KTN1: variants seen among roughly 807,000 people sequenced by gnomAD.
The protein encoded by KTN1 is kinectin.
KTN1 carries 130 observed loss-of-function variants against 222.5 expected under a neutral mutation model. The ratio of observed to expected loss-of-function variants is 0.58; its 90% CI spans 0.51 to 0.68. The LOEUF (loss-of-function observed/expected upper bound fraction) is 0.68. Ranked by LOEUF, KTN1 falls within the 30% of genes least tolerant of loss-of-function variation. The probability of loss-of-function intolerance (pLI) is 0.00; values close to 1 mark genes in which losing one functional copy is unlikely to be tolerated. For synonymous variants in KTN1, 512 were observed against 496.3 expected, an observed-to-expected ratio of 1.03 and a Z score of -0.42; for missense variants, 1,508 against 1,500.4, an observed-to-expected ratio of 1.01 and a Z score of -0.08.
At chr14:55,661,273 G>A (rs1339931522) in intron 31 of KTN1, 1 of 312,958 alleles carries the variant, frequency 3.2e-6, no homozygotes, top group African/African-American at 2.1e-5. Context: ...GTTTCTTAGG[G>A]GATGAGATTT....
At chr14:55,639,620 G>A (rs770253606) in intron 13 of KTN1, among the ~76,000 whole-genome samples, 9 of 151,712 alleles carry the variant, frequency 5.9e-5, no homozygotes, top group South Asian at 2.1e-4. Context: ...TTTTTGTGCC[G>A]TATAATTTTG....
chr14:55,639,362 C>CTTTT, intron 13 of KTN1, 140 bp downstream of exon 13: 2 of 351,144 alleles, frequency 5.7e-6, no homozygotes, highest in Admixed American at 9.4e-5. Context: ...GCAACTTTTG[C>CTTTT]TTTTTTTTTT....
Position 55,684,352 on chromosome 14 carries a change from TAAAC to T in KTN1, c.*251_*254del. On this transcript the variant is annotated 3_prime_UTR_variant, in exon 44 of 44. Transcript: ENST00000395314. ...AATTAGACCTTTACATTCCTGAAGA[TAAAC>T]ATGTAATCTTTTATCTTATTTTGCT... 2.8e-6 allele frequency: 1 copy of T among 363,170 alleles called. No individual in the cohort carries two copies. The highest frequency in any genetic ancestry group is 4.9e-6 in the Non-Finnish European group (1 of 203,090). The allele number at this position is 363,170 out of a possible 1,614,324, so 22.5% of individuals were successfully genotyped here.
At position 55,604,316 on chromosome 14, in the gene KTN1, A is replaced by G. The variant is rs1295603551; in HGVS notation, c.-30-7703A>G. Among the ~76,000 whole-genome samples the G allele has an allele frequency of 2.6e-5, 4 of 152,128 alleles. No individual in the cohort carries two copies. The East Asian group carries it at 5.8e-4, about 22-fold the overall frequency. ...TCACTGTATTTTGCTCTTCACTTAG[A>G]TATGGATAGCACCATGGCTCTATCT... On this transcript the variant is annotated intron_variant, in intron 1 of 43. Transcript: ENST00000395314.
chr14:55,655,194 G>T, intron 28 of KTN1, among the ~76,000 whole-genome samples: 1 of 152,072 alleles, frequency 6.6e-6, no homozygotes, highest in Non-Finnish European at 1.5e-5. Flanking sequence ...GCCCAGGCTG[G>T]TCTTGATCTC....
intron 1 of KTN1, 30 bp from the exon 2 acceptor site, chr14:55,611,989 T>C (rs1039988697): frequency 1.0e-6 from 1 of 1,003,712 alleles, no homozygotes. Context: ...TTCTTTTTTT[T>C]TTTTTGTCCC....
At position 55,580,253 on chromosome 14, in the gene KTN1, T is replaced by TGCGGCGGCG. The variant is rs534439479; in HGVS notation, c.-113_-105dup. The TGCGGCGGCG allele has an allele frequency of 6.9e-4, 106 of 153,924 alleles. 1 individual carries two copies. Among genetic ancestry groups the TGCGGCGGCG allele is most frequent in the East Asian group, 3.4e-3 (18 of 5,242 alleles). 9.5% of individuals were successfully genotyped at this position (153,924 alleles called of 1,614,324 possible). On this transcript the variant is annotated 5_prime_UTR_variant, in exon 1 of 44. Transcript: ENST00000395314. ...AGCGGCGCGACGGCACCTGAGCGAC[T>TGCGGCGGCG]GCGGCGGCGGCGGCGGCGGCGGCGG...
chr14:55,662,181 C>T (rs2044223596), intron 32 of KTN1, among the ~76,000 whole-genome samples: 1 of 151,658 alleles, frequency 6.6e-6, no homozygotes, highest in Admixed American at 6.6e-5. Flanking sequence ...ATTCTCCTGC[C>T]TCACCCTCCT....
In KTN1 at chr14:55,672,984, G is replaced by A. The variant is rs146919612; in HGVS notation, c.3659G>A (p.Arg1220Gln). 11 of 1,612,666 alleles carry A rather than the reference G, an allele frequency of 6.8e-6. No individual in the cohort carries two copies. The African/African-American group carries it at 1.2e-4, about 18-fold the overall frequency. ...GAACTAGAAAAGGCAGAGATGGAAC[G>A]ATCTACCTATGTTACAGAAGTCAGA... The part of the protein sequence containing the change: ...EMELEKAEME[R>Q]STYVTEVREL... Residue 1220 changes from arginine to glutamine, a missense_variant, in exon 39 of 44, where the codon CGA becomes CAA. Physicochemically the swap from Arg to Gln is conservative, Grantham distance 43. Coordinates refer to ENST00000395314, the MANE Select transcript of KTN1 (RefSeq NM_001079521.2).
Position 55,675,848 on chromosome 14 carries a change from TAAATG to T in KTN1, c.3789_3793del (p.Glu1264ThrfsTer5), listed in dbSNP as rs1463074577. The T allele has an allele frequency of 1.9e-6, 3 of 1,610,736 alleles. No homozygotes were observed. Among genetic ancestry groups the T allele is most frequent in the Non-Finnish European group, 2.5e-6 (3 of 1,177,184 alleles). On this transcript the variant is annotated frameshift_variant, in exon 41 of 44. Coordinates refer to ENST00000395314, the MANE Select transcript of KTN1 (RefSeq NM_001079521.2). LOFTEE classifies it high-confidence loss of function. ...TTATTTTTACAGTTGAAGGCACAGTTAAATGAAACACTCACAAAACTTAGAACTGA... is the reference window on the plus strand; with the variant it reads ...TTATTTTTACAGTTGAAGGCACAGTTAAACACTCACAAAACTTAGAACTGA...
intron 1 of KTN1, among the ~76,000 whole-genome samples, chr14:55,590,376 ATT>A (rs1235663330): frequency 6.6e-6 from 1 of 152,176 alleles, no homozygotes; most frequent in Non-Finnish European, 1.5e-5. Flanking sequence ...TCAGCTTTAA[ATT>A]TTTTCTTTTA....
chr14:55,647,108 G>T (rs2042440451), intron 19 of KTN1, 101 bp downstream of exon 19: 2 of 777,930 alleles, frequency 2.6e-6, no homozygotes, highest in East Asian at 5.2e-5. Context: ...TGTAATGGAA[G>T]AAATGTAGTA....
intron 24 of KTN1, chr14:55,651,662 T>C: frequency 2.0e-6 from 1 of 504,800 alleles, no homozygotes; most frequent in South Asian, 2.7e-5. Flanking sequence ...TAGTTAGACT[T>C]ATTATTCATA....
chr14:55,589,274 C>CA (rs1159251604), intron 1 of KTN1, among the ~76,000 whole-genome samples: 1 of 152,112 alleles, frequency 6.6e-6, no homozygotes, highest in Non-Finnish European at 1.5e-5. Flanking sequence ...TGGCAGCATT[C>CA]AAAATAACAT....
At chr14:55,648,914 GT>G in intron 21 of KTN1, 44 bp downstream of exon 21, 1 of 1,259,304 alleles carries the variant, frequency 7.9e-7, no homozygotes, top group Non-Finnish European at 1.1e-6. Context: ...TGTGTTTTTT[GT>G]TTGTTTGTTT....
At chr14:55,590,533 C>G (rs1382102177) in intron 1 of KTN1, among the ~76,000 whole-genome samples, 1 of 152,124 alleles carries the variant, frequency 6.6e-6, no homozygotes, top group Non-Finnish European at 1.5e-5. Context: ...CACTACCTTT[C>G]TTACCTTTGC....
chr14:55,640,802 A>G (rs1042419835), intron 15 of KTN1, 131 bp from the exon 16 acceptor site: 2 of 711,488 alleles, frequency 2.8e-6, no homozygotes, highest in Non-Finnish European at 4.7e-6. Context: ...AACATGTTAC[A>G]GAAATATACA....
At chr14:55,599,942 A>G (rs1436552041) in intron 1 of KTN1, among the ~76,000 whole-genome samples, 1 of 152,030 alleles carries the variant, frequency 6.6e-6, no homozygotes, top group Non-Finnish European at 1.5e-5. Flanking sequence ...GTGATAATAT[A>G]CCAAACTTTT....
Position 55,641,223 on chromosome 14 carries a change from T to C in KTN1, c.2103+15T>C. On this transcript the variant is annotated intron_variant, in intron 17 of 43. Coordinates refer to ENST00000395314, the MANE Select transcript of KTN1 (RefSeq NM_001079521.2). ...AAGAATTTAAGGTGTGTGATTAAGC[T>C]TGTACACTCAGGTTTCTTAGAACAA... 4.0e-6 allele frequency: 6 copies of C among 1,485,402 alleles called. No homozygotes were observed. Among genetic ancestry groups the C allele is most frequent in the Non-Finnish European group, 5.5e-6 (6 of 1,088,980 alleles). The allele number at this position is 1,485,402 out of a possible 1,614,324, so 92.0% of individuals were successfully genotyped here.
Sources: allele counts gnomAD v4.1 joint callset (sites outside exome capture counted in the v4.1 genomes callset), GRCh38; gene constraint gnomAD v4.1.1; transcripts MANE v1.5; gene names NCBI Gene and HGNC (gene_info 2026-07-23, HGNC 2026-07-21).